UBR1: variants seen among roughly 807,000 people sequenced by gnomAD.
UBR1 encodes ubiquitin protein ligase E3 component n-recognin 1, also known as E3 ubiquitin-protein ligase UBR1.
In UBR1, 102 loss-of-function variants were observed where a neutral mutation model predicts 242.1. The observed-to-expected ratio is 0.42, with a 90% CI of 0.36 to 0.50. The LOEUF (loss-of-function observed/expected upper bound fraction) is 0.50. Ranked by LOEUF, UBR1 falls within the 20% of genes least tolerant of loss-of-function variation. The probability of loss-of-function intolerance (pLI) is 0.01; values close to 1 mark genes in which losing one functional copy is unlikely to be tolerated. For synonymous variants in UBR1, 675 were observed against 684.8 expected, an observed-to-expected ratio of 0.99 and a Z score of 0.22; for missense variants, 1,772 against 2,101.8, an observed-to-expected ratio of 0.84 and a Z score of 3.07.
chr15:42,949,171 T>C lies in UBR1; in HGVS notation c.5108+1091A>G, dbSNP rs949513572. 1.1e-4 allele frequency among the ~76,000 whole-genome samples: 16 copies of C among 151,210 alleles called. 1 individual carries two copies. The highest frequency in any genetic ancestry group is 4.6e-4 in the Admixed American group (7 of 15,114). The stretch of plus-strand genomic sequence containing the variant: ...GGAAATCATCATTCTCAGTAAACTA[T>C]TGCAAGGACAAAAAACCAAACACCA... On this transcript the variant is annotated intron_variant, in intron 46 of 46. Coordinates refer to ENST00000290650, the MANE Select transcript of UBR1 (RefSeq NM_174916.3).
chr15:43,038,008 T>C (rs538806838), intron 16 of UBR1, 125 bp from the exon 17 acceptor site: 2 of 1,196,498 alleles, frequency 1.7e-6, no homozygotes, highest in Admixed American at 2.0e-5. Flanking sequence ...AGATGACGTC[T>C]AAGTCCCTGT....
In UBR1 at chr15:43,067,970, T is replaced by A. The variant is rs762730642; in HGVS notation, c.726A>T (p.Ile242=). ...AGTCAAGAGCTCTTTGTAGGCTGTA[T>A]ATGACGTGGTCATATGAATGGTGTT... ...NDEHHSYDHV[I]YSLQRALDCE... Residue 242 remains isoleucine (I), a synonymous_variant, in exon 6 of 47, where the codon ATA becomes ATT. Transcript: ENST00000290650. The A allele has an allele frequency of 1.9e-6, 3 of 1,613,298 alleles. No individual in the cohort carries two copies. The East Asian group carries it at 6.7e-5, about 36-fold the overall frequency.
intron 30 of UBR1, among the ~76,000 whole-genome samples, chr15:43,005,595 C>G (rs1222894133): frequency 1.3e-5 from 2 of 152,192 alleles, no homozygotes; most frequent in African/African-American, 4.8e-5. Flanking sequence ...GAGGTGTACC[C>G]AACAGCTCAT....
At chr15:42,973,439 G>A (rs1183650330) in intron 39 of UBR1, among the ~76,000 whole-genome samples, 1 of 152,086 alleles carries the variant, frequency 6.6e-6, no homozygotes, top group Non-Finnish European at 1.5e-5. Context: ...GGGACTACGG[G>A]TGTGCACACC....
intron 35 of UBR1, 21 bp downstream of exon 35, chr15:42,988,798 C>A: frequency 1.9e-6 from 3 of 1,614,070 alleles, no homozygotes; most frequent in Non-Finnish European, 2.5e-6. Context: ...ACCTCCAAAC[C>A]AGTTTTCTTA....
chr15:43,093,104 G>A (rs2034122318), intron 1 of UBR1, among the ~76,000 whole-genome samples: 1 of 152,014 alleles, frequency 6.6e-6, no homozygotes, highest in Non-Finnish European at 1.5e-5. Flanking sequence ...TAAAAAACAA[G>A]TTCTTAACAA....
intron 39 of UBR1, among the ~76,000 whole-genome samples, 185 bp downstream of exon 39, chr15:42,976,530 TTA>T (rs2032290302): frequency 6.6e-6 from 1 of 152,210 alleles, no homozygotes; most frequent in Non-Finnish European, 1.5e-5. Context: ...TTTCACCTAA[TTA>T]TCTTTTTCAC....
At chr15:42,976,916 A>T in intron 38 of UBR1, 49 bp from the exon 39 acceptor site, 1 of 1,588,514 alleles carries the variant, frequency 6.3e-7, no homozygotes, top group South Asian at 1.1e-5. Context: ...AAAGACTAAC[A>T]TAAATTAATG....
intron 3 of UBR1, among the ~76,000 whole-genome samples, chr15:43,076,253 A>T (rs1596132489): frequency 6.6e-6 from 1 of 150,868 alleles, no homozygotes; most frequent in Non-Finnish European, 1.5e-5. Context: ...AGGCGCCGGG[A>T]TTGCAGACGG....
intron 40 of UBR1, among the ~76,000 whole-genome samples, chr15:42,968,846 C>T (rs2141261420): frequency 6.6e-6 from 1 of 152,208 alleles, no homozygotes; most frequent in South Asian, 2.1e-4. Flanking sequence ...AAGACATGAA[C>T]TCATTCTTTT....
At chr15:43,093,457 G>A (rs563787775) in intron 1 of UBR1, among the ~76,000 whole-genome samples, 2 of 152,200 alleles carry the variant, frequency 1.3e-5, no homozygotes. Context: ...ATTATACAAT[G>A]TTTTCTTCTA....
At chr15:43,055,219 C>T (rs1567138288) in intron 11 of UBR1, among the ~76,000 whole-genome samples, 1 of 152,070 alleles carries the variant, frequency 6.6e-6, no homozygotes, top group Non-Finnish European at 1.5e-5. Flanking sequence ...CCGAGGCAGG[C>T]GGATCACCTG....
intron 2 of UBR1, 38 bp from the exon 3 acceptor site, chr15:43,082,754 G>A (rs371971983): frequency 4.6e-5 from 67 of 1,449,506 alleles, no homozygotes; most frequent in Non-Finnish European, 6.3e-5. Context: ...AAATTTAGAT[G>A]ACTCCCACTG....
At chr15:43,039,311 C>T (rs1228678420) in intron 15 of UBR1, among the ~76,000 whole-genome samples, 1 of 152,188 alleles carries the variant, frequency 6.6e-6, no homozygotes, top group East Asian at 1.9e-4. Context: ...TATCCATGAG[C>T]ATGGAATGTT....
intron 3 of UBR1, 116 bp from the exon 4 acceptor site, chr15:43,075,205 A>T: frequency 1.1e-6 from 1 of 880,900 alleles, no homozygotes; most frequent in African/African-American, 1.6e-5. Flanking sequence ...ATTGAGTTCA[A>T]TGTAATATTA....
intron 33 of UBR1, among the ~76,000 whole-genome samples, chr15:42,995,868 T>C (rs961831351): frequency 2.6e-5 from 4 of 152,336 alleles, no homozygotes; most frequent in African/African-American, 9.6e-5. Flanking sequence ...GACTCATTCA[T>C]TGCTGACTGT....
At chr15:43,072,246 A>G (rs774411124) in intron 4 of UBR1, among the ~76,000 whole-genome samples, 1 of 152,170 alleles carries the variant, frequency 6.6e-6, no homozygotes, top group Non-Finnish European at 1.5e-5. Context: ...CAGAATAAAA[A>G]ATGACTCTTT....
At chr15:43,078,270 T>C (rs1264031039) in intron 3 of UBR1, among the ~76,000 whole-genome samples, 1 of 152,048 alleles carries the variant, frequency 6.6e-6, no homozygotes, top group African/African-American at 2.4e-5. Context: ...ATCAGATACA[T>C]TTTTACAGAG....
intron 2 of UBR1, among the ~76,000 whole-genome samples, chr15:43,085,050 C>T (rs1379818857): frequency 2.0e-5 from 3 of 152,144 alleles, no homozygotes; most frequent in Non-Finnish European, 2.9e-5. Context: ...GTTTCCCTGC[C>T]GCTGGCCTCT....
Sources: gnomAD v4.1 joint callset for allele counts (sites outside exome capture counted in the v4.1 genomes callset) on GRCh38, gnomAD v4.1.1 for gene constraint, MANE v1.5 for transcripts, NCBI Gene and HGNC (gene_info 2026-07-23, HGNC 2026-07-21) for gene names.